The following CNTNAP2 variants were observed in gnomAD, a reference collection of about 807,000 sequenced individuals.
CNTNAP2 encodes contactin associated protein 2.
A neutral mutation model predicts 155.2 loss-of-function variants in CNTNAP2; 98 were observed. The observed-to-expected ratio is 0.63, with a 90% CI of 0.54 to 0.75. CNTNAP2 has a LOEUF of 0.75. CNTNAP2 is among the 30% of genes least tolerant of loss of function. The pLI is 0.00. For synonymous variants in CNTNAP2, 651 were observed against 631.2 expected (o/e 1.03, Z -0.47); for missense variants, 1,727 against 1,688.1 (o/e 1.02, Z -0.40).
At chr7:147,833,585 G>T (rs1798589066) in intron 13 of CNTNAP2, among the ~76,000 whole-genome samples, 1 of 152,166 alleles carries the variant, frequency 6.6e-6, no homozygotes, top group Admixed American at 6.6e-5. Flanking sequence ...TTGCCTCCAG[G>T]CAGGTCAGAA....
chr7:148,081,280 T>C (rs146820130), intron 15 of CNTNAP2, among the ~76,000 whole-genome samples: 1 of 152,156 alleles, frequency 6.6e-6, no homozygotes. Flanking sequence ...TAGTTAATAC[T>C]GAGTGTCAAC....
intron 1 of CNTNAP2, among the ~76,000 whole-genome samples, chr7:146,233,099 A>G (rs890168023): frequency 1.3e-5 from 2 of 152,180 alleles, no homozygotes; most frequent in African/African-American, 2.4e-5. Context: ...AAAAAATCCT[A>G]TCAAATGAGT....
chr7:146,988,708 C>G (rs886348490), intron 3 of CNTNAP2, among the ~76,000 whole-genome samples: 1 of 152,140 alleles, frequency 6.6e-6, no homozygotes, highest in African/African-American at 2.4e-5. Flanking sequence ...GAACACATGA[C>G]TAATACACAG....
chr7:147,509,803 G>A (rs1798983249), intron 11 of CNTNAP2, among the ~76,000 whole-genome samples: 1 of 151,956 alleles, frequency 6.6e-6, no homozygotes, highest in East Asian at 1.9e-4. Flanking sequence ...GTGCTCAGAG[G>A]TTTTCTCTGC....
intron 1 of CNTNAP2, among the ~76,000 whole-genome samples, chr7:146,552,491 AC>A (rs1303204152): frequency 1.3e-5 from 2 of 152,118 alleles, no homozygotes; most frequent in Non-Finnish European, 2.9e-5. Context: ...GATTTTTCTC[AC>A]CTGGATTATT....
At chr7:147,976,959 G>T (rs1415585753) in intron 14 of CNTNAP2, among the ~76,000 whole-genome samples, 1 of 151,994 alleles carries the variant, frequency 6.6e-6, no homozygotes, top group Non-Finnish European at 1.5e-5. Flanking sequence ...ACATCACACT[G>T]CTTTGTGCCT....
chr7:147,831,793 G>A (rs1442114954), intron 13 of CNTNAP2: 5 of 152,124 alleles, frequency 3.3e-5, no homozygotes, highest in African/African-American at 1.2e-4. Context: ...CAGCACATAT[G>A]CTAACACTGG....
At chr7:148,097,340 T>TAAAAAAAAAAAAAAA (rs754030091) in intron 15 of CNTNAP2, among the ~76,000 whole-genome samples, 5 of 78,478 alleles carry the variant, frequency 6.4e-5, no homozygotes, top group African/African-American at 1.9e-4. Flanking sequence ...GTGTCATTTG[T>TAAAAAAAAAAAAAAA]AAAAAAAAAA....
At chr7:147,733,193 T>A (rs907074218) in intron 13 of CNTNAP2, among the ~76,000 whole-genome samples, 1 of 152,262 alleles carries the variant, frequency 6.6e-6, no homozygotes, top group Non-Finnish European at 1.5e-5. Context: ...TTAATCCATC[T>A]TGAATTCATT....
At chr7:146,729,931 T>A (rs984736790) in intron 1 of CNTNAP2, among the ~76,000 whole-genome samples, 1 of 152,178 alleles carries the variant, frequency 6.6e-6, no homozygotes, top group Non-Finnish European at 1.5e-5. Flanking sequence ...AGTTTTTAGG[T>A]AATCAATCTT....
At chr7:148,359,296 C>T (rs1798576738) in intron 21 of CNTNAP2, among the ~76,000 whole-genome samples, 1 of 152,240 alleles carries the variant, frequency 6.6e-6, no homozygotes, top group Admixed American at 6.5e-5. Flanking sequence ...GTATCCCCAT[C>T]ACTAAGCAAC....
At chr7:147,511,658 C>T (rs1338810732) in intron 11 of CNTNAP2, among the ~76,000 whole-genome samples, 6 of 152,044 alleles carry the variant, frequency 3.9e-5, no homozygotes, top group East Asian at 3.9e-4. Context: ...AAAACAGACC[C>T]ATAGCTCCCC....
rs1215491886 is a variant in CNTNAP2, at chr7:147,368,021, CTCCCCCT to C, written c.1499-27587_1499-27581del. Among the ~76,000 whole-genome samples the C allele has an allele frequency of 1.1e-3, 72 of 67,364 alleles. 2 individuals are homozygous for C. Among genetic ancestry groups the C allele is most frequent in the African/African-American group, 5.1e-3 (67 of 13,150 alleles). 44.2% of individuals were successfully genotyped at this position (67,364 alleles called of 152,430 possible). On this transcript the variant is annotated intron_variant, in intron 9 of 23. Coordinates refer to ENST00000361727, the MANE Select transcript of CNTNAP2 (RefSeq NM_014141.6). ...CTCTCTGTCTCTCTCTCTCCCCCCC[CTCCCCCT>C]CCTCCTCTGTCCCCCTCCCTCCCTC...
At chr7:146,396,553 C>G (rs1474190241) in intron 1 of CNTNAP2, among the ~76,000 whole-genome samples, 2 of 150,502 alleles carry the variant, frequency 1.3e-5, no homozygotes, top group South Asian at 2.1e-4. Context: ...TTTTCTGTGT[C>G]AACAATGAAG....
At chr7:148,393,307 T>A (rs956334478) in intron 22 of CNTNAP2, among the ~76,000 whole-genome samples, 2 of 152,222 alleles carry the variant, frequency 1.3e-5, no homozygotes, top group African/African-American at 4.8e-5. Context: ...ACACTCAGTC[T>A]TTTTATTATG....
rs1227795606 is a variant in CNTNAP2 at position 146,214,591 on chromosome 7, GATCAACACTGTTATTTAA to G, written c.97+97620_97+97637del. On this transcript the variant is annotated intron_variant, in intron 1 of 23. Coordinates refer to ENST00000361727, the MANE Select transcript of CNTNAP2 (RefSeq NM_014141.6). ...AAATTGTGAAATAAAATACACTGAG[GATCAACACTGTTATTTAA>G]AAGATTCTGTTGATCCTAAATTTTA... 3.3e-5 allele frequency among the ~76,000 whole-genome samples: 5 copies of G among 152,116 alleles called. No individual in the cohort carries two copies. The East Asian group carries it at 9.7e-4, about 29-fold the overall frequency.
At position 146,207,179 on chromosome 7, in the gene CNTNAP2, T is replaced by C. The variant is rs1798960145; in HGVS notation, c.97+90206T>C. 3.3e-5 allele frequency among the ~76,000 whole-genome samples: 5 copies of C among 152,108 alleles called. No homozygotes were observed. The South Asian group carries it at 1.0e-3, about 31-fold the overall frequency. On this transcript the variant is annotated intron_variant, in intron 1 of 23. Transcript: ENST00000361727. ...GGTATTCACAGCTTTCATTCTAATT[T>C]ATTGTGACCCCATATATCTACAAGT...
At chr7:146,772,686 A>G (rs950026166) in intron 1 of CNTNAP2, among the ~76,000 whole-genome samples, 11 of 151,868 alleles carry the variant, frequency 7.2e-5, no homozygotes, top group African/African-American at 2.4e-4. Flanking sequence ...AATAAAAAAG[A>G]AAAAAGAGGA....
intron 1 of CNTNAP2, among the ~76,000 whole-genome samples, chr7:146,634,282 G>A (rs775352157): frequency 2.6e-5 from 4 of 152,070 alleles, no homozygotes; most frequent in South Asian, 4.1e-4. Flanking sequence ...TCCCTGTGCC[G>A]AATCCTCAGT....
Sources: allele counts gnomAD v4.1 joint callset (sites outside exome capture counted in the v4.1 genomes callset), GRCh38; gene constraint gnomAD v4.1.1; transcripts MANE v1.5; gene names NCBI Gene and HGNC (gene_info 2026-07-23, HGNC 2026-07-21).